The following ZNF592 variants were observed in gnomAD, a reference collection of about 807,000 sequenced individuals.
ZNF592 encodes the protein spinocerebellar ataxia, autosomal recessive 5.
Under a neutral mutation model 80.3 loss-of-function variants are expected in ZNF592, and 11 were observed. That is an observed-to-expected ratio of 0.14 (90% CI 0.09 to 0.23). ZNF592 has a LOEUF of 0.23. Among genes scored for constraint, ZNF592 ranks in the 10% least tolerant of loss-of-function variants. The probability of loss-of-function intolerance (pLI) is 1.00; values close to 1 mark genes in which losing one functional copy is unlikely to be tolerated. For missense variants in ZNF592, 1,420 were observed against 1,633.9 expected, an observed-to-expected ratio of 0.87 and a Z score of 2.26; for synonymous variants, 646 against 640.3, an observed-to-expected ratio of 1.01 and a Z score of -0.13.
At chr15:84,794,537 G>A (rs930951380) in intron 5 of ZNF592, among the ~76,000 whole-genome samples, 12 of 151,496 alleles carry the variant, frequency 7.9e-5, no homozygotes, top group Non-Finnish European at 1.2e-4. Context: ...GTGCAGTGGC[G>A]CTATCTCAGC....
intron 2 of ZNF592, among the ~76,000 whole-genome samples, chr15:84,774,072 A>G (rs1250428708): frequency 6.6e-6 from 1 of 152,224 alleles, no homozygotes; most frequent in African/African-American, 2.4e-5. Flanking sequence ...CCATTATTCT[A>G]AAAGTATAAT....
intron 2 of ZNF592, among the ~76,000 whole-genome samples, chr15:84,774,255 A>G (rs1455250083): frequency 6.6e-6 from 1 of 152,228 alleles, no homozygotes; most frequent in Non-Finnish European, 1.5e-5. Context: ...TGCTTCTACA[A>G]ATACTTATTG....
intron 5 of ZNF592, among the ~76,000 whole-genome samples, chr15:84,793,668 A>T (rs890786338): frequency 6.6e-6 from 1 of 152,190 alleles, no homozygotes; most frequent in African/African-American, 2.4e-5. Flanking sequence ...ACTATCCAAG[A>T]AGAAACCTCA....
intron 1 of ZNF592, among the ~76,000 whole-genome samples, chr15:84,749,876 T>C (rs1898962428): frequency 6.6e-6 from 1 of 152,244 alleles, no homozygotes; most frequent in Non-Finnish European, 1.5e-5. Flanking sequence ...CAACTAGTTG[T>C]GGCTTTGATT....
In ZNF592 at chr15:84,804,389, G is replaced by A. The variant is rs1179296179; in HGVS notation, c.*1996G>A. 2 of 152,278 alleles carry A rather than the reference G, an allele frequency of 1.3e-5. No homozygotes were observed. The highest frequency in any genetic ancestry group is 4.8e-5 in the African/African-American group (2 of 41,464). The allele number at this position is 152,278 out of a possible 1,614,324, so 9.4% of individuals were successfully genotyped here. A position where few individuals can be genotyped will look rare whatever the true frequency, so the allele number is the denominator to read the frequency against. ...GCTCAGACACAGTGGTAGCTGGAGA[G>A]CAGGCAGAGATGGTAGAATTGCAGG... On this transcript the variant is annotated 3_prime_UTR_variant, in exon 11 of 11. Coordinates refer to ENST00000560079, the MANE Select transcript of ZNF592 (RefSeq NM_014630.3).
chr15:84,751,595 CTTTT>C (rs779955467), intron 1 of ZNF592, among the ~76,000 whole-genome samples: 1 of 143,806 alleles, frequency 7.0e-6, no homozygotes, highest in Non-Finnish European at 1.5e-5. Flanking sequence ...ATTTTTATTA[CTTTT>C]TTTTTTTTTT....
intron 1 of ZNF592, among the ~76,000 whole-genome samples, chr15:84,764,395 A>C (rs1414611587): frequency 6.6e-6 from 1 of 152,204 alleles, no homozygotes; most frequent in Non-Finnish European, 1.5e-5. Flanking sequence ...ACATATGGGG[A>C]AACAGACAGA....
In ZNF592 at chr15:84,798,409, G is replaced by T. The variant is rs1009020534; in HGVS notation, c.2671G>T (p.Val891Phe). 6.8e-6 allele frequency: 11 copies of T among 1,614,054 alleles called. No individual in the cohort carries two copies. The highest frequency in any genetic ancestry group is 9.3e-6 in the Non-Finnish European group (11 of 1,180,038). ...GAATGTCAGCAAGACGCAGGTGGGC[G>T]TCTTCAAGTGCCCTGAGTGCCCACT... ...YQNVSKTQVG[V>F]FKCPECPLLF... Residue 891 changes from valine (V) to phenylalanine (F), a missense_variant, in exon 7 of 11, where the codon GTC becomes TTC. Physicochemically the swap from Val to Phe is conservative, Grantham distance 50 (BLOSUM62 -1). Around this residue, in one of 7 missense-constraint regions of ZNF592, gnomAD observed 331 missense variants for 347.0 expected, o/e 0.95. Coordinates refer to ENST00000560079, the MANE Select transcript of ZNF592 (RefSeq NM_014630.3). The surrounding 1 kb of genome is among the most constrained non-coding windows in gnomAD (Gnocchi z 4.5).
intron 5 of ZNF592, among the ~76,000 whole-genome samples, chr15:84,796,978 C>A (rs55691012): frequency 1.1e-4 from 16 of 152,206 alleles, no homozygotes; most frequent in South Asian, 6.2e-4. Context: ...CCGCTCCCCC[C>A]CAAGAGACAG....
chr15:84,753,461 T>G (rs548632798), intron 1 of ZNF592: 4 of 152,242 alleles, frequency 2.6e-5, no homozygotes, highest in Non-Finnish European at 5.9e-5. Flanking sequence ...AGTTTTAATT[T>G]AATTTAATTT....
Position 84,805,430 on chromosome 15 carries a change from C to G in ZNF592, c.*3037C>G, listed in dbSNP as rs1963213535. 6.6e-6 allele frequency: 1 copy of G among 152,540 alleles called. No individual in the cohort carries two copies. Among genetic ancestry groups the G allele is most frequent in the Admixed American group, 6.5e-5 (1 of 15,284 alleles). 9.4% of individuals were successfully genotyped at this position (152,540 alleles called of 1,614,324 possible). ...TGCACATTATGCTGCAGTGAATGCT[C>G]TACTGATCAAGTTAAACAGATAAGA... is the stretch of plus-strand genomic sequence containing the variant. On this transcript the variant is annotated 3_prime_UTR_variant, in exon 11 of 11. Coordinates refer to ENST00000560079, the MANE Select transcript of ZNF592 (RefSeq NM_014630.3).
chr15:84,791,388 G>C (rs955036059), intron 5 of ZNF592, among the ~76,000 whole-genome samples: 1 of 152,130 alleles, frequency 6.6e-6, no homozygotes, highest in African/African-American at 2.4e-5. Flanking sequence ...AAAAGGATCA[G>C]CCTCTTGGTA....
intron 1 of ZNF592, among the ~76,000 whole-genome samples, chr15:84,754,704 TAAA>T (rs58930648): frequency 7.5e-5 from 10 of 133,626 alleles, no homozygotes; most frequent in Admixed American, 1.5e-4. Flanking sequence ...CCCCGTCTCT[TAAA>T]AAAAAAAAAA....
chr15:84,774,907 A>T (rs1386551176), intron 2 of ZNF592, among the ~76,000 whole-genome samples: 1 of 151,926 alleles, frequency 6.6e-6, no homozygotes, highest in African/African-American at 2.4e-5. Context: ...CAGCCTCCCA[A>T]GTAGCTGAGA....
At chr15:84,773,243 G>T (rs909692124) in intron 2 of ZNF592, among the ~76,000 whole-genome samples, 4 of 137,342 alleles carry the variant, frequency 2.9e-5, no homozygotes, top group Non-Finnish European at 6.2e-5. Flanking sequence ...ACGGAGTCTC[G>T]CTCTGTCGGC....
At chr15:84,795,194 G>A (rs1469353615) in intron 5 of ZNF592, among the ~76,000 whole-genome samples, 2 of 152,004 alleles carry the variant, frequency 1.3e-5, no homozygotes, top group African/African-American at 4.8e-5. Flanking sequence ...GGCTAATGAT[G>A]TCATAAGGAT....
At chr15:84,756,701 T>G (rs1156866808) in intron 1 of ZNF592, among the ~76,000 whole-genome samples, 1 of 152,238 alleles carries the variant, frequency 6.6e-6, no homozygotes, top group Non-Finnish European at 1.5e-5. Flanking sequence ...AATACTTTAT[T>G]AAGGCTATAA....
chr15:84,798,739 G>T lies in ZNF592; in HGVS notation c.2888G>T (p.Trp963Leu). The T allele has an allele frequency of 6.2e-7, 1 of 1,610,354 alleles. No homozygotes were observed. ...AGCAGCTCCCTGCCTTCTGGCCGCT[G>T]GGGTAGGCCTGAAGCCCACCGCAGG... ...ARSSSLPSGR[W>L]GRPEAHRRVE... The change falls in exon 8 of 11, where the codon TGG becomes TTG. Residue 963 changes from tryptophan to leucine, a missense_variant. Physicochemically the swap from Trp to Leu is moderately conservative, Grantham distance 61. Coordinates refer to ENST00000560079, the MANE Select transcript of ZNF592 (RefSeq NM_014630.3). This position sits in a 1 kb window ranked among gnomAD's most constrained non-coding sequence, Gnocchi z 4.5.
rs148220929 is a variant in ZNF592 at position 84,784,367 on chromosome 15, C to T, written c.1692C>T (p.Pro564=). Residue 564 remains proline, a synonymous_variant, in exon 4 of 11, where the codon CCC becomes CCT. Coordinates refer to ENST00000560079, the MANE Select transcript of ZNF592 (RefSeq NM_014630.3). The surrounding 1 kb of genome is among the most constrained non-coding windows in gnomAD (Gnocchi z 5.8). The part of the protein sequence containing the change: ...VFNKVLHSSN[P]VPLYAPNLSP... ...ACAAGGTCCTTCACAGCTCCAACCC[C>T]GTGCCCCTCTATGCGCCAAATCTCA... is the stretch of plus-strand genomic sequence containing the variant. The T allele has an allele frequency of 2.5e-5, 41 of 1,614,116 alleles. No individual in the cohort carries two copies. The highest frequency in any genetic ancestry group is 3.3e-5 in the Non-Finnish European group (39 of 1,180,056).
Sources: gnomAD v4.1 joint callset for allele counts (sites outside exome capture counted in the v4.1 genomes callset) on GRCh38, gnomAD v4.1.1 for gene constraint, gnomAD v4.1.1 regional missense constraint, Gnocchi (gnomAD v3.1) non-coding constraint, MANE v1.5 for transcripts, NCBI Gene and HGNC (gene_info 2026-07-23, HGNC 2026-07-21) for gene names.